The following EARS2 variants were observed in gnomAD, a reference collection of about 807,000 sequenced individuals.
EARS2 encodes the protein nondiscriminating glutamyl-tRNA synthetase EARS2, mitochondrial.
Under a neutral mutation model 54.1 loss-of-function variants are expected in EARS2, and 50 were observed. The observed-to-expected ratio is 0.92, with a 90% CI of 0.74 to 1.17. The LOEUF is 1.17. EARS2 is among the 50% of genes most tolerant of loss of function. EARS2 has a pLI of 0.00. For missense variants in EARS2, 673 were observed against 675.0 expected (o/e 1.00, Z 0.03); for synonymous variants, 298 against 281.0 (o/e 1.06, Z -0.61).
rs1965186318 is a variant in EARS2, at chr16:23,524,236, A to C, written c.*135T>G. On this transcript the variant is annotated 3_prime_UTR_variant, in exon 9 of 9. Coordinates refer to ENST00000449606, the MANE Select transcript of EARS2 (RefSeq NM_001083614.2). ...GTGGATCACAAATGCACTTGTGTGC[A>C]GTCAGAGATTGTTTCCACTCTTAGT... 6 of 761,210 alleles carry C rather than the reference A, an allele frequency of 7.9e-6. No homozygotes were observed. The South Asian group carries it at 9.7e-5, about 12-fold the overall frequency. The allele number at this position is 761,210 out of a possible 1,614,324, so 47.2% of individuals were successfully genotyped here.
At chr16:23,528,043 T>G (rs1965260281) in intron 7 of EARS2, among the ~76,000 whole-genome samples, 1 of 152,066 alleles carries the variant, frequency 6.6e-6, no homozygotes, top group Non-Finnish European at 1.5e-5. Context: ...AGAGAGTCCC[T>G]CGTCCCTCCA....
intron 2 of EARS2, among the ~76,000 whole-genome samples, chr16:23,549,505 G>C (rs1965659011): frequency 6.6e-6 from 1 of 152,216 alleles, no homozygotes; most frequent in Non-Finnish European, 1.5e-5. Flanking sequence ...TGGCACTGAA[G>C]GAATTCTGTA....
intron 2 of EARS2, among the ~76,000 whole-genome samples, chr16:23,551,652 G>T (rs987477570): frequency 6.6e-6 from 1 of 152,122 alleles, no homozygotes; most frequent in Non-Finnish European, 1.5e-5. Flanking sequence ...GGGCGCGGTG[G>T]CTCATGCCTA....
chr16:23,543,447 A>G (rs1445440642), intron 3 of EARS2, among the ~76,000 whole-genome samples: 1 of 151,394 alleles, frequency 6.6e-6, no homozygotes, highest in African/African-American at 2.4e-5. Context: ...AACAAAAAAA[A>G]AACCAAAAAA....
At position 23,522,631 on chromosome 16, in the gene EARS2, G is replaced by T. The variant is rs1418261464; in HGVS notation, c.*1740C>A. On this transcript the variant is annotated 3_prime_UTR_variant, in exon 9 of 9. Transcript: ENST00000449606. ...TTAAGCAAAGACTAGGACTCTATGGGGCTCAACAAACTCTGTAATCGCCTT... is the reference window on the plus strand; with the variant it reads ...TTAAGCAAAGACTAGGACTCTATGGTGCTCAACAAACTCTGTAATCGCCTT... 6.6e-6 allele frequency: 1 copy of T among 152,010 alleles called. No individual in the cohort carries two copies. Among genetic ancestry groups the T allele is most frequent in the South Asian group, 2.1e-4 (1 of 4,820 alleles). The allele number at this position is 152,010 out of a possible 1,614,324, so 9.4% of individuals were successfully genotyped here.
At chr16:23,532,471 G>A (rs1485427716) in intron 5 of EARS2, 186 bp downstream of exon 5, 1 of 473,402 alleles carries the variant, frequency 2.1e-6, no homozygotes, top group Non-Finnish European at 3.8e-6. Context: ...ATAGAACAAG[G>A]ATATAAGATC....
intron 8 of EARS2, 122 bp downstream of exon 8, chr16:23,525,122 A>T (rs953335922): frequency 5.3e-6 from 7 of 1,315,808 alleles, no homozygotes; most frequent in Admixed American, 3.5e-5. Context: ...AAATGAGGGG[A>T]GTGATCATGT....
chr16:23,537,470 G>C (rs1040257278), intron 3 of EARS2: 1 of 152,340 alleles, frequency 6.6e-6, no homozygotes, highest in African/African-American at 2.4e-5. Context: ...GATGGTATTA[G>C]AGATTATTGG....
rs1389775898 is a variant in EARS2, at chr16:23,532,781, G to GC, written c.959-17dup. 3.8e-6 allele frequency: 6 copies of GC among 1,579,032 alleles called. No homozygotes were observed. Among genetic ancestry groups the GC allele is most frequent in the Admixed American group, 1.7e-5 (1 of 59,230 alleles). ...ATTTGGTTCTCTGCAAAGAAGAGAG[G>GC]CCCAGCCACTCAGCTTCCTCTCTCC... On this transcript the variant is annotated splice_polypyrimidine_tract_variant and intron_variant, in intron 4 of 8. Coordinates refer to ENST00000449606, the MANE Select transcript of EARS2 (RefSeq NM_001083614.2).
chr16:23,540,925 A>G (rs1965501344), intron 3 of EARS2, among the ~76,000 whole-genome samples: 1 of 152,152 alleles, frequency 6.6e-6, no homozygotes, highest in Non-Finnish European at 1.5e-5. Context: ...CAGGAAGTGG[A>G]GGTTGCAGTG....
intron 3 of EARS2, among the ~76,000 whole-genome samples, chr16:23,539,583 T>A (rs190266083): frequency 6.6e-6 from 1 of 152,154 alleles, no homozygotes; most frequent in East Asian, 1.9e-4. Context: ...ACGTTCACCA[T>A]GAGATGATGT....
rs573597556 is a variant in EARS2 at position 23,522,590 on chromosome 16, G to C, written c.*1781C>G. ...AACTTAATGGATTCTGTATTAGAAA[G>C]AACTGGTATATTTCTTTAAGCAAAG... On this transcript the variant is annotated 3_prime_UTR_variant, in exon 9 of 9. Transcript: ENST00000449606. The C allele has an allele frequency of 2.6e-5, 4 of 152,274 alleles. No individual in the cohort carries two copies. The East Asian group carries it at 7.7e-4, about 29-fold the overall frequency. The allele number at this position is 152,274 out of a possible 1,614,324, so 9.4% of individuals were successfully genotyped here. A position where few individuals can be genotyped will look rare whatever the true frequency, so the allele number is the denominator to read the frequency against.
chr16:23,540,915 C>T (rs898520290), intron 3 of EARS2, among the ~76,000 whole-genome samples: 7 of 152,104 alleles, frequency 4.6e-5, no homozygotes, highest in African/African-American at 1.7e-4. Context: ...TGCTTGTATC[C>T]AGGAAGTGGA....
chr16:23,525,418 C>T (rs777145457), intron 7 of EARS2, 39 bp from the exon 8 acceptor site: 2 of 1,586,644 alleles, frequency 1.3e-6, no homozygotes, highest in Admixed American at 3.6e-5. Flanking sequence ...CTGCATGGGC[C>T]AATGGCAAGT....
intron 2 of EARS2, 97 bp downstream of exon 2, chr16:23,552,052 C>G: frequency 6.8e-7 from 1 of 1,468,616 alleles, no homozygotes; most frequent in Non-Finnish European, 9.2e-7. Context: ...CAGGAACTCC[C>G]CATTTTCCAC....
At chr16:23,537,048 C>G (rs1965432671) in intron 3 of EARS2, 1 of 204,542 alleles carries the variant, frequency 4.9e-6, no homozygotes, top group South Asian at 7.3e-5. Context: ...GCTGCAGAAG[C>G]AGGGCAGCAT....
At chr16:23,546,102 T>A (rs1389674503) in intron 2 of EARS2, among the ~76,000 whole-genome samples, 7 of 152,246 alleles carry the variant, frequency 4.6e-5, no homozygotes, top group Admixed American at 1.3e-4. Flanking sequence ...CTTAGCCCAG[T>A]GGTGTATATT....
In EARS2 at chr16:23,534,843, C is replaced by T. The variant is rs538101009; in HGVS notation, c.958+45G>A. Reference sequence around the variant, plus strand: ...TGTCTGAGCCAAAGCCCTGCTCCTCCTGGCCATGCTCTCTGCTGCCAGGAC... The same window carrying T: ...TGTCTGAGCCAAAGCCCTGCTCCTCTTGGCCATGCTCTCTGCTGCCAGGAC... On this transcript the variant is annotated intron_variant, in intron 4 of 8. Coordinates refer to ENST00000449606, the MANE Select transcript of EARS2 (RefSeq NM_001083614.2). 84 of 1,490,386 alleles carry T rather than the reference C, an allele frequency of 5.6e-5. No homozygotes were observed. The South Asian group carries it at 1.1e-3, about 19-fold the overall frequency. 92.3% of individuals were successfully genotyped at this position (1,490,386 alleles called of 1,614,324 possible).
At chr16:23,530,635 A>C (rs916177491) in intron 5 of EARS2, among the ~76,000 whole-genome samples, 2 of 152,148 alleles carry the variant, frequency 1.3e-5, no homozygotes, top group African/African-American at 2.4e-5. Context: ...TAGGAGGCCA[A>C]GAAGGGAGGA....
Sources: allele counts gnomAD v4.1 joint callset (sites outside exome capture counted in the v4.1 genomes callset), GRCh38; gene constraint gnomAD v4.1.1; transcripts MANE v1.5; gene names NCBI Gene and HGNC (gene_info 2026-07-23, HGNC 2026-07-21).